Variants in KLHL32 observed in about 807,000 individuals in gnomAD.
The protein encoded by KLHL32 is kelch like family member 32.
KLHL32 carries 35 observed loss-of-function variants against 64.8 expected under a neutral mutation model. The observed-to-expected ratio is 0.54, with a 90% CI of 0.41 to 0.72. KLHL32 has a LOEUF of 0.72. Among genes scored for constraint, KLHL32 ranks in the 30% least tolerant of loss-of-function variants. KLHL32 has a pLI of 0.00. For synonymous variants in KLHL32, 259 were observed against 281.0 expected (o/e 0.92, Z 0.78); for missense variants, 589 against 768.5 (o/e 0.77, Z 2.76).
Position 96,937,026 on chromosome 6 carries a change from AT to A in KLHL32, c.-66+12007del, listed in dbSNP as rs556684107. Reference sequence around the variant, plus strand: ...TCACTCTCAATTCATCTTACCCTGTATTTTTTTCCCCACAGCTCTTATCGAT... The same window carrying A: ...TCACTCTCAATTCATCTTACCCTGTATTTTTTCCCCACAGCTCTTATCGAT... On this transcript the variant is annotated intron_variant, in intron 1 of 10. Transcript: ENST00000369261. 1.1e-4 allele frequency among the ~76,000 whole-genome samples: 17 copies of A among 151,292 alleles called. No individual in the cohort carries two copies. The South Asian group carries it at 1.9e-3, about 17-fold the overall frequency.
intron 4 of KLHL32, among the ~76,000 whole-genome samples, chr6:97,057,126 A>G (rs927793754): frequency 1.3e-5 from 2 of 151,516 alleles, no homozygotes; most frequent in South Asian, 2.1e-4. Flanking sequence ...ACAGGCGTAA[A>G]TCTAACAAAA....
At chr6:97,043,222 A>G (rs920043886) in intron 4 of KLHL32, among the ~76,000 whole-genome samples, 1 of 152,138 alleles carries the variant, frequency 6.6e-6, no homozygotes, top group African/African-American at 2.4e-5. Context: ...TGGACTAAGA[A>G]AACACCCTCC....
chr6:97,042,980 T>A (rs994125875), intron 4 of KLHL32, among the ~76,000 whole-genome samples: 29 of 152,180 alleles, frequency 1.9e-4, no homozygotes. Flanking sequence ...AGCTATTTAT[T>A]AAAAAGAGGC....
chr6:96,963,225 C>G (rs1245632873), intron 1 of KLHL32, among the ~76,000 whole-genome samples: 1 of 152,080 alleles, frequency 6.6e-6, no homozygotes, highest in Non-Finnish European at 1.5e-5. Context: ...TATATACGAT[C>G]CTAGGATTAT....
At chr6:97,072,367 T>G (rs1790883930) in intron 5 of KLHL32, among the ~76,000 whole-genome samples, 1 of 152,210 alleles carries the variant, frequency 6.6e-6, no homozygotes, top group Non-Finnish European at 1.5e-5. Flanking sequence ...TTTGATAGAT[T>G]TTGAAAAGTT....
intron 3 of KLHL32, among the ~76,000 whole-genome samples, chr6:96,996,047 T>C (rs1157141199): frequency 6.6e-6 from 1 of 152,236 alleles, no homozygotes; most frequent in Non-Finnish European, 1.5e-5. Context: ...CTCTTCTCCC[T>C]GCTTCCTTGG....
chr6:97,093,251 A>G (rs1583002516), intron 6 of KLHL32, among the ~76,000 whole-genome samples: 1 of 152,342 alleles, frequency 6.6e-6, no homozygotes, highest in East Asian at 1.9e-4. Flanking sequence ...AAGTCCATCA[A>G]TAATAATACC....
chr6:97,138,542 AAAAC>A (rs1236541918), intron 10 of KLHL32, among the ~76,000 whole-genome samples: 3 of 152,164 alleles, frequency 2.0e-5, no homozygotes, highest in Admixed American at 6.5e-5. Context: ...AACAAAAACA[AAAAC>A]AAAAACAACA....
intron 1 of KLHL32, among the ~76,000 whole-genome samples, chr6:96,948,813 T>G (rs1772221771): frequency 6.6e-6 from 1 of 152,100 alleles, no homozygotes; most frequent in African/African-American, 2.4e-5. Context: ...TCCTCCCACT[T>G]GTCGAGCTCA....
chr6:97,049,386 A>G (rs1359030998), intron 4 of KLHL32, among the ~76,000 whole-genome samples: 2 of 152,200 alleles, frequency 1.3e-5, no homozygotes, highest in Non-Finnish European at 2.9e-5. Context: ...ATCTACAATG[A>G]GGATATGCTG....
intron 1 of KLHL32, among the ~76,000 whole-genome samples, chr6:96,954,312 A>ATTTTTTTTTT (rs71012579): frequency 1.1e-5 from 1 of 89,434 alleles, no homozygotes; most frequent in African/African-American, 4.7e-5. Flanking sequence ...CTTTCCTTCA[A>ATTTTTTTTTT]TTTTTTTTTT....
At chr6:96,951,105 A>T (rs1772521145) in intron 1 of KLHL32, among the ~76,000 whole-genome samples, 1 of 152,004 alleles carries the variant, frequency 6.6e-6, no homozygotes, top group South Asian at 2.1e-4. Context: ...AATTTAAAAC[A>T]TGATATTTAA....
chr6:96,974,012 G>A (rs550574423), intron 2 of KLHL32, among the ~76,000 whole-genome samples: 93 of 152,094 alleles, frequency 6.1e-4, no homozygotes, highest in Non-Finnish European at 1.3e-3. Context: ...ATGAGCCACC[G>A]TACCTGACTT....
chr6:97,121,862 G>T lies in KLHL32; in HGVS notation c.1355-5542G>T, dbSNP rs571716536. On this transcript the variant is annotated intron_variant, in intron 7 of 10. Coordinates refer to ENST00000369261, the MANE Select transcript of KLHL32 (RefSeq NM_052904.4). The stretch of plus-strand genomic sequence containing the variant: ...GTTAAAGCTACGCCATAGAAATAGG[G>T]AATGGCTGAAGAACTTAGCTGATGG... Among the ~76,000 whole-genome samples, 4 of 152,308 alleles carry T rather than the reference G, an allele frequency of 2.6e-5. No individual in the cohort carries two copies. In the South Asian group the frequency reaches 8.3e-4, roughly 32 times the overall value.
At chr6:96,951,543 T>G (rs1314629982) in intron 1 of KLHL32, among the ~76,000 whole-genome samples, 1 of 152,152 alleles carries the variant, frequency 6.6e-6, no homozygotes, top group Non-Finnish European at 1.5e-5. Context: ...TAGTTACTGA[T>G]ACCTTAGAGT....
chr6:96,953,370 C>T (rs1772866526), intron 1 of KLHL32, among the ~76,000 whole-genome samples: 1 of 152,156 alleles, frequency 6.6e-6, no homozygotes, highest in African/African-American at 2.4e-5. Flanking sequence ...TGGCTCATGC[C>T]TGTAATACCA....
intron 6 of KLHL32, among the ~76,000 whole-genome samples, chr6:97,099,041 G>A (rs1012104782): frequency 3.9e-5 from 6 of 152,188 alleles, no homozygotes; most frequent in South Asian, 2.1e-4. Context: ...AGCAAAGGCC[G>A]TTTCATCTTA....
At chr6:97,013,474 C>G (rs1780681507) in intron 3 of KLHL32, among the ~76,000 whole-genome samples, 1 of 152,006 alleles carries the variant, frequency 6.6e-6, no homozygotes, top group Non-Finnish European at 1.5e-5. Context: ...ATAGTTACAC[C>G]AATGCTAGGT....
At chr6:97,092,319 C>A (rs1330061445) in intron 6 of KLHL32, among the ~76,000 whole-genome samples, 1 of 152,160 alleles carries the variant, frequency 6.6e-6, no homozygotes, top group Non-Finnish European at 1.5e-5. Context: ...TGTGTTGTTA[C>A]TATTATTTTC....
Sources: allele counts gnomAD v4.1 joint callset (sites outside exome capture counted in the v4.1 genomes callset), GRCh38; gene constraint gnomAD v4.1.1; transcripts MANE v1.5; gene names NCBI Gene and HGNC (gene_info 2026-07-23, HGNC 2026-07-21).